Variants in WDFY4 observed in about 807,000 individuals in gnomAD.
WDFY4 encodes WD repeat- and FYVE domain-containing protein 4.
A neutral mutation model predicts 351.9 loss-of-function variants in WDFY4; 169 were observed. The observed-to-expected ratio is 0.48, with a 90% confidence interval of 0.42 to 0.55. The LOEUF (loss-of-function observed/expected upper bound fraction) is 0.55. Ranked by LOEUF, WDFY4 falls within the 20% of genes least tolerant of loss-of-function variation. The pLI is 0.00. For missense variants in WDFY4, 3,803 were observed against 3,935.6 expected (o/e 0.97, Z 0.90); for synonymous variants, 1,622 against 1,574.6 (o/e 1.03, Z -0.71).
chr10:48,710,531 T>TA (rs1232014163), intron 2 of WDFY4, among the ~76,000 whole-genome samples: 1 of 152,150 alleles, frequency 6.6e-6, no homozygotes, highest in Admixed American at 6.5e-5. Context: ...TCTCTTTAGT[T>TA]AAAAAATATT....
Position 48,858,095 on chromosome 10 carries a change from A to G in WDFY4, c.6664-9170A>G, listed in dbSNP as rs566821150. On this transcript the variant is annotated intron_variant, in intron 39 of 61. Transcript: ENST00000325239. ...AGATGTGAGCCACCACGCCCAGCCTACTTGTTGAATTTTAAGAGTTCTTCA... is the reference window on the plus strand; with the variant it reads ...AGATGTGAGCCACCACGCCCAGCCTGCTTGTTGAATTTTAAGAGTTCTTCA... Among the ~76,000 whole-genome samples the G allele has an allele frequency of 2.0e-5, 3 of 152,248 alleles. No individual in the cohort carries two copies. In the East Asian group the frequency reaches 5.8e-4, roughly 29 times the overall value.
chr10:48,750,746 C>T (rs559499346), intron 12 of WDFY4, among the ~76,000 whole-genome samples: 85 of 152,334 alleles, frequency 5.6e-4, no homozygotes, highest in Non-Finnish European at 1.0e-3. Flanking sequence ...CCACTTAAGT[C>T]GTCTCTTCCC....
intron 35 of WDFY4, chr10:48,823,475 C>A: frequency 5.1e-6 from 6 of 1,185,108 alleles, no homozygotes; most frequent in Non-Finnish European, 6.4e-6. Flanking sequence ...GCAGAGTCAC[C>A]CACAGACCTC....
At chr10:48,800,664 G>A (rs2067037542) in intron 24 of WDFY4, among the ~76,000 whole-genome samples, 1 of 141,238 alleles carries the variant, frequency 7.1e-6, no homozygotes. Context: ...TAAGTCTTAG[G>A]TTTTGGTTTC....
rs1441725204 is a variant in WDFY4 at position 48,786,818 on chromosome 10, TAACA to T, written c.3760_3763del (p.Lys1254LeufsTer38). On this transcript the variant is annotated frameshift_variant, in exon 20 of 62. Transcript: ENST00000325239. LOFTEE classifies it high-confidence loss of function. ...TTTCAATGGAAACTCTGGAAGTTAT[TAACA>T]AACTTGGCCCAAGATATTGTGGTAA... 1 of 1,552,296 alleles carries T rather than the reference TAACA, an allele frequency of 6.4e-7. No homozygotes were observed. Among genetic ancestry groups the T allele is most frequent in the Non-Finnish European group, 8.7e-7 (1 of 1,147,110 alleles).
At chr10:48,735,695 CTT>C (rs1418903755) in intron 10 of WDFY4, among the ~76,000 whole-genome samples, 183 bp from the exon 11 acceptor site, 1 of 152,020 alleles carries the variant, frequency 6.6e-6, no homozygotes, top group Non-Finnish European at 1.5e-5. Flanking sequence ...TCCACAGTTT[CTT>C]TTTTCTGCTT....
chr10:48,891,841 G>T (rs1836817926), intron 44 of WDFY4, among the ~76,000 whole-genome samples: 1 of 152,226 alleles, frequency 6.6e-6, no homozygotes, highest in South Asian at 2.1e-4. Context: ...TTAACTTCCA[G>T]TTGTCCTATC....
intron 55 of WDFY4, chr10:48,968,557 T>C (rs1479997033): frequency 6.4e-6 from 1 of 155,206 alleles, no homozygotes; most frequent in Non-Finnish European, 1.4e-5. Flanking sequence ...GTGGTGGGTA[T>C]GGTGTGCACA....
At chr10:48,944,258 G>C (rs1170113123) in intron 49 of WDFY4, among the ~76,000 whole-genome samples, 1 of 152,228 alleles carries the variant, frequency 6.6e-6, no homozygotes. Context: ...TGGTGTCTGG[G>C]CCTCATCTGG....
chr10:48,818,009 G>A (rs1418308374), intron 32 of WDFY4, among the ~76,000 whole-genome samples: 1 of 152,254 alleles, frequency 6.6e-6, no homozygotes, highest in East Asian at 1.9e-4. Context: ...GGCCCAGCAG[G>A]TCAAAGCTTG....
At chr10:48,759,014 CATCTT>C (rs546701708) in intron 12 of WDFY4, among the ~76,000 whole-genome samples, 1 of 151,086 alleles carries the variant, frequency 6.6e-6, no homozygotes, top group South Asian at 2.1e-4. Context: ...TCTTTGTTGT[CATCTT>C]ATAGAGAATG....
intron 39 of WDFY4, among the ~76,000 whole-genome samples, chr10:48,851,779 G>A (rs926782301): frequency 6.6e-6 from 1 of 152,224 alleles, no homozygotes; most frequent in South Asian, 2.1e-4. Context: ...GGTGCCCCAG[G>A]CAAAGGTGGG....
chr10:48,914,363 T>C (rs1305335025), intron 47 of WDFY4: 1 of 579,886 alleles, frequency 1.7e-6, no homozygotes, highest in East Asian at 2.9e-5. Context: ...CAGGGCAAAG[T>C]GGACCCAGCC....
chr10:48,861,102 C>G (rs984297159), intron 39 of WDFY4, among the ~76,000 whole-genome samples: 1 of 151,878 alleles, frequency 6.6e-6, no homozygotes, highest in Non-Finnish European at 1.5e-5. Flanking sequence ...AGTTGTTGCT[C>G]TAGGTATTAC....
intron 9 of WDFY4, among the ~76,000 whole-genome samples, chr10:48,732,962 T>A (rs1214644490): frequency 6.6e-6 from 1 of 152,216 alleles, no homozygotes; most frequent in Non-Finnish European, 1.5e-5. Flanking sequence ...CTGGACAATA[T>A]TTTATGAGTT....
At chr10:48,746,211 T>C (rs2065010458) in intron 12 of WDFY4, 1 of 152,304 alleles carries the variant, frequency 6.6e-6, no homozygotes, top group African/African-American at 2.4e-5. Context: ...AGTGGATGTG[T>C]CAATTTCTGA....
At chr10:48,847,204 C>T (rs192068258) in intron 39 of WDFY4, among the ~76,000 whole-genome samples, 33 of 152,274 alleles carry the variant, frequency 2.2e-4, no homozygotes, top group Admixed American at 1.1e-3. Flanking sequence ...CATGTCCTCA[C>T]GTGGTCTGTC....
chr10:48,978,465 A>C, intron 60 of WDFY4, 72 bp downstream of exon 60: 9 of 1,404,220 alleles, frequency 6.4e-6, no homozygotes, highest in Non-Finnish European at 8.6e-6. Flanking sequence ...TCTCCACCTC[A>C]GCCCAAGGGC....
At chr10:48,717,113 A>G (rs1313392803) in intron 2 of WDFY4, among the ~76,000 whole-genome samples, 1 of 152,198 alleles carries the variant, frequency 6.6e-6, no homozygotes, top group African/African-American at 2.4e-5. Flanking sequence ...AATAGTACAA[A>G]CCTCAAAGGC....
Sources: allele counts gnomAD v4.1 joint callset (sites outside exome capture counted in the v4.1 genomes callset), GRCh38; gene constraint gnomAD v4.1.1; transcripts MANE v1.5; gene names NCBI Gene and HGNC (gene_info 2026-07-23, HGNC 2026-07-21).